The following EPS8L3 variants were observed in gnomAD, a reference collection of about 807,000 sequenced individuals.
EPS8L3 encodes the protein epidermal growth factor receptor kinase substrate 8-like protein 3.
EPS8L3 carries 80 observed loss-of-function variants against 88.5 expected under a neutral mutation model. The observed-to-expected ratio is 0.90, with a 90% CI of 0.75 to 1.09. The LOEUF (loss-of-function observed/expected upper bound fraction) is 1.09. Among genes scored for constraint, EPS8L3 ranks in the 50% least tolerant of loss-of-function variants. The pLI, the probability that EPS8L3 is intolerant of heterozygous loss-of-function variation, is 0.00. For missense variants in EPS8L3, 721 were observed against 735.2 expected, an observed-to-expected ratio of 0.98 and a Z score of 0.22; for synonymous variants, 286 against 291.0, an observed-to-expected ratio of 0.98 and a Z score of 0.18.
At position 109,753,282 on chromosome 1, in the gene EPS8L3, C is replaced by T; in HGVS notation, c.1119-84G>A. Reference sequence around the variant, plus strand: ...TGGGACGCGGACAGGGAGGGGACGACAGGGCCTAGCCTCAGGAATCTTTTG... The same window carrying T: ...TGGGACGCGGACAGGGAGGGGACGATAGGGCCTAGCCTCAGGAATCTTTTG... On this transcript the variant is annotated intron_variant, in intron 12 of 18. Transcript: ENST00000361965. 3 of 1,114,572 alleles carry T rather than the reference C, an allele frequency of 2.7e-6. No individual in the cohort carries two copies. In the South Asian group the frequency reaches 4.5e-5, roughly 17 times the overall value. 69.0% of individuals were successfully genotyped at this position (1,114,572 alleles called of 1,614,324 possible).
intron 15 of EPS8L3, 83 bp from the exon 16 acceptor site, chr1:109,751,865 C>A (rs566076652): frequency 6.2e-5 from 99 of 1,588,836 alleles, no homozygotes; most frequent in Non-Finnish European, 7.9e-5. Context: ...CCCTCCAGCT[C>A]TTTCCTACCC....
chr1:109,761,185 T>TG, intron 3 of EPS8L3: 1 of 309,542 alleles, frequency 3.2e-6, no homozygotes, highest in East Asian at 5.6e-5. Context: ...GGAGGGTAGG[T>TG]GGGTGGGTGG....
chr1:109,759,815 C>G lies in EPS8L3; in HGVS notation c.118G>C (p.Gly40Arg), dbSNP rs780871705. 5.0e-6 allele frequency: 8 copies of G among 1,613,892 alleles called. No individual in the cohort carries two copies. The highest frequency in any genetic ancestry group is 6.8e-6 in the Non-Finnish European group (8 of 1,179,994). Residue 40 changes from glycine to arginine, a missense_variant, in exon 4 of 19, where the codon GGG (glycine) becomes CGG (arginine). Physicochemically the swap from Gly to Arg is moderately radical, Grantham distance 125. Coordinates refer to ENST00000361965, the MANE Select transcript of EPS8L3 (RefSeq NM_133181.4). The surrounding 1 kb of genome is among the most constrained non-coding windows in gnomAD (Gnocchi z 4.2). ...RVEHLMTCKQGSQRVQGPEDA... is the reference protein window; with the variant it reads ...RVEHLMTCKQRSQRVQGPEDA... Reference sequence around the variant, plus strand: ...TCGGGCCCCTGGACTCTCTGACTCCCCTGCTTGCATGTCATCAAGTGCTGC... The same window carrying G: ...TCGGGCCCCTGGACTCTCTGACTCCGCTGCTTGCATGTCATCAAGTGCTGC...
At position 109,759,796 on chromosome 1, in the gene EPS8L3, C is replaced by T. The variant is rs1650720335; in HGVS notation, c.137G>A (p.Gly46Glu). The T allele has an allele frequency of 1.2e-6, 2 of 1,613,978 alleles. No individual in the cohort carries two copies. The highest frequency in any genetic ancestry group is 1.1e-5 in the South Asian group (1 of 91,080). The stretch of plus-strand genomic sequence containing the variant: ...CAGCTTCTGCAAGGCATCCTCGGGC[C>T]CCTGGACTCTCTGACTCCCCTGCTT... ...TCKQGSQRVQ[G>E]PEDALQKLFE... The change falls in exon 4 of 19, where the codon GGG becomes GAG. Residue 46 changes from glycine to glutamate, a missense_variant. Gly to Glu is a moderately conservative substitution (Grantham distance 98). Coordinates refer to ENST00000361965, the MANE Select transcript of EPS8L3 (RefSeq NM_133181.4). The surrounding 1 kb of genome is among the most constrained non-coding windows in gnomAD (Gnocchi z 4.2).
At chr1:109,761,809 G>C in intron 1 of EPS8L3, 36 bp from the exon 2 acceptor site, 2 of 1,593,472 alleles carry the variant, frequency 1.3e-6, no homozygotes, top group Non-Finnish European at 1.7e-6. Context: ...AGCCATCAGA[G>C]CTGGGGAAAG....
Position 109,753,206 on chromosome 1 carries a change from G to A in EPS8L3, c.1119-8C>T. ...TCGCCTGTCCAGTCGGCCCTGAAGA[G>A]GGAAACAAAGCTGAGTTCACATCCA... On this transcript the variant is annotated splice_region_variant and splice_polypyrimidine_tract_variant and intron_variant, in intron 12 of 18. Coordinates refer to ENST00000361965, the MANE Select transcript of EPS8L3 (RefSeq NM_133181.4). The A allele has an allele frequency of 2.5e-6, 4 of 1,598,276 alleles. No individual in the cohort carries two copies. The highest frequency in any genetic ancestry group is 2.6e-6 in the Non-Finnish European group (3 of 1,171,744).
At chr1:109,760,584 C>T (rs1260619494) in intron 3 of EPS8L3, among the ~76,000 whole-genome samples, 4 of 151,726 alleles carry the variant, frequency 2.6e-5, no homozygotes, top group Admixed American at 1.3e-4. Flanking sequence ...CATGAGCAAA[C>T]TCCATCCTCC....
At chr1:109,757,272 T>A in intron 11 of EPS8L3, 107 bp from the exon 12 acceptor site, 1 of 1,352,320 alleles carries the variant, frequency 7.4e-7, no homozygotes. Flanking sequence ...TGGTAGGATG[T>A]TACCTCCTGC....
chr1:109,761,714 C>T lies in EPS8L3; in HGVS notation c.31+5G>A. ...GCACGGGAGAGGGGCCTGCCAGGAG[C>T]TTACAGTAAATGGCTCTGCTGCTGG... On this transcript the variant is annotated splice_donor_5th_base_variant and intron_variant, in intron 2 of 18. Transcript: ENST00000361965. 9 of 1,613,916 alleles carry T rather than the reference C, an allele frequency of 5.6e-6. No homozygotes were observed. The highest frequency in any genetic ancestry group is 7.6e-6 in the Non-Finnish European group (9 of 1,179,968).
chr1:109,757,213 C>T (rs1570690954), intron 11 of EPS8L3, 48 bp from the exon 12 acceptor site: 1 of 1,536,884 alleles, frequency 6.5e-7, no homozygotes, highest in East Asian at 2.3e-5. Flanking sequence ...CCCACAGGGC[C>T]CAGTGAGGGT....
chr1:109,757,442 G>A, intron 11 of EPS8L3, 39 bp downstream of exon 11: 1 of 1,581,606 alleles, frequency 6.3e-7, no homozygotes, highest in Non-Finnish European at 8.7e-7. Context: ...CTTGACTTCA[G>A]CCTGTCCGTC....
Position 109,752,033 on chromosome 1 carries a change from G to C in EPS8L3, c.1396C>G (p.Pro466Ala). 6.2e-7 allele frequency: 1 copy of C among 1,613,448 alleles called. No individual in the cohort carries two copies. Among genetic ancestry groups the C allele is most frequent in the African/African-American group, 1.3e-5 (1 of 75,000 alleles). ...CCCTGGACCACAGTCAGTTCCCGTG[G>C]GTTCCTAGCTTCAAACTCGTACAAG... ...QVLYEFEARNPRELTVVQGEK... is the reference protein window; with the variant it reads ...QVLYEFEARNARELTVVQGEK... The change falls in exon 15 of 19, where the codon CCA becomes GCA. Residue 466 changes from proline to alanine, a missense_variant. Coordinates refer to ENST00000361965, the MANE Select transcript of EPS8L3 (RefSeq NM_133181.4).
At chr1:109,755,641 C>CA (rs927918583) in intron 12 of EPS8L3, among the ~76,000 whole-genome samples, 18 of 151,490 alleles carry the variant, frequency 1.2e-4, no homozygotes, top group Admixed American at 3.3e-4. Context: ...CCCATCTCTA[C>CA]AAAAAAAATA....
At chr1:109,757,231 G>A in intron 11 of EPS8L3, 66 bp from the exon 12 acceptor site, 1 of 1,489,462 alleles carries the variant, frequency 6.7e-7, no homozygotes, top group Middle Eastern at 2.0e-4. Flanking sequence ...GGTGGGAAAG[G>A]CCCAGAGTCC....
intron 3 of EPS8L3, among the ~76,000 whole-genome samples, chr1:109,760,373 T>G (rs1477034888): frequency 6.6e-6 from 1 of 151,044 alleles, no homozygotes; most frequent in Non-Finnish European, 1.5e-5. Flanking sequence ...CATCCAGGAG[T>G]TTTTTGCTGT....
intron 10 of EPS8L3, 113 bp downstream of exon 10, chr1:109,757,689 G>A (rs1650424068): frequency 1.5e-5 from 21 of 1,406,352 alleles, no homozygotes; most frequent in Non-Finnish European, 1.8e-5. Flanking sequence ...GAGGTTCTAG[G>A]GGGAGTAGAT....
rs368910680 is a variant in EPS8L3, at chr1:109,757,950, G to A, written c.826C>T (p.Gln276Ter). ...CCTGGCCCTCAGTACTCACCTCCCTGGTCCTTGTTTTTTTTCCCAAATTTC... is the reference window on the plus strand; with the variant it reads ...CCTGGCCCTCAGTACTCACCTCCCTAGTCCTTGTTTTTTTTCCCAAATTTC... The part of the protein sequence containing the change: ...KKKFGKKNKD[Q>*]GGLTQAQYID... The change falls in exon 9 of 19, where the codon CAG becomes TAG. Residue 276 changes from glutamine to a stop codon, truncating the protein, a stop_gained. Transcript: ENST00000361965. LOFTEE classifies it high-confidence loss of function. 5 of 1,613,998 alleles carry A rather than the reference G, an allele frequency of 3.1e-6. No homozygotes were observed. In the Admixed American group the frequency reaches 5.0e-5, roughly 16 times the overall value.
At chr1:109,755,971 C>T (rs1331741687) in intron 12 of EPS8L3, among the ~76,000 whole-genome samples, 1 of 152,272 alleles carries the variant, frequency 6.6e-6, no homozygotes, top group Non-Finnish European at 1.5e-5. Context: ...TCTCTGTCTT[C>T]TTAACCCTTT....
chr1:109,759,816 C>T lies in EPS8L3; in HGVS notation c.117G>A (p.Gln39=). 1 of 1,614,002 alleles carries T rather than the reference C, an allele frequency of 6.2e-7. No homozygotes were observed. The highest frequency in any genetic ancestry group is 8.5e-7 in the Non-Finnish European group (1 of 1,179,986). The change falls in exon 4 of 19, where the codon CAG becomes CAA. Residue 39 remains glutamine (Q), a synonymous_variant. Transcript: ENST00000361965. This position sits in a 1 kb window ranked among gnomAD's most constrained non-coding sequence, Gnocchi z 4.2. ...CGGGCCCCTGGACTCTCTGACTCCCCTGCTTGCATGTCATCAAGTGCTGCA... is the reference window on the plus strand; with the variant it reads ...CGGGCCCCTGGACTCTCTGACTCCCTTGCTTGCATGTCATCAAGTGCTGCA... The part of the protein sequence containing the change: ...HRVEHLMTCK[Q]GSQRVQGPED...
Sources: allele counts gnomAD v4.1 joint callset (sites outside exome capture counted in the v4.1 genomes callset), GRCh38; gene constraint gnomAD v4.1.1; non-coding constraint Gnocchi (gnomAD v3.1); transcripts MANE v1.5; gene names NCBI Gene and HGNC (gene_info 2026-07-23, HGNC 2026-07-21).